Variants in CDH2 observed in about 807,000 individuals in gnomAD.
CDH2 encodes the protein cadherin 2, also known as cadherin-2.
CDH2 carries 17 observed loss-of-function variants against 92.0 expected under a neutral mutation model. The ratio of observed to expected loss-of-function variants is 0.18; its 90% CI spans 0.13 to 0.28. CDH2 has a LOEUF of 0.28. Among genes scored for constraint, CDH2 ranks in the 10% least tolerant of loss-of-function variants. The probability of loss-of-function intolerance (pLI) is 1.00; values close to 1 mark genes in which losing one functional copy is unlikely to be tolerated. For synonymous variants in CDH2, 419 were observed against 415.9 expected (o/e 1.01, Z -0.09); for missense variants, 862 against 1,133.1 (o/e 0.76, Z 3.44).
intron 3 of CDH2, among the ~76,000 whole-genome samples, chr18:28,013,192 G>A (rs942394501): frequency 6.6e-6 from 1 of 152,106 alleles, no homozygotes; most frequent in African/African-American, 2.4e-5. Flanking sequence ...TTCCACCAGA[G>A]GGAGTATATC....
intron 2 of CDH2, among the ~76,000 whole-genome samples, chr18:28,060,778 G>T (rs1411040025): frequency 6.6e-6 from 1 of 152,056 alleles, no homozygotes; most frequent in Non-Finnish European, 1.5e-5. Context: ...CTTGGACATG[G>T]AACCAGCCAT....
chr18:28,031,415 TCTC>T (rs2013692544), intron 2 of CDH2, among the ~76,000 whole-genome samples: 1 of 152,016 alleles, frequency 6.6e-6, no homozygotes, highest in African/African-American at 2.4e-5. Flanking sequence ...CTCTAACTGA[TCTC>T]CTACTTCCAC....
At chr18:27,992,560 G>A (rs75744644) in intron 9 of CDH2, 95 bp downstream of exon 9, 10,344 of 1,022,390 alleles carry the variant, frequency 0.01, 81 homozygotes, top group Non-Finnish European at 0.012. Context: ...AAAGAAAAAC[G>A]TCCTAAGTTT....
At chr18:27,966,412 G>T (rs1469440755) in intron 14 of CDH2, among the ~76,000 whole-genome samples, 2 of 152,158 alleles carry the variant, frequency 1.3e-5, no homozygotes, top group Non-Finnish European at 2.9e-5. Flanking sequence ...GATAAAAGAG[G>T]CATGTGGGCT....
At chr18:27,999,469 C>G (rs2012692849) in intron 7 of CDH2, among the ~76,000 whole-genome samples, 1 of 151,886 alleles carries the variant, frequency 6.6e-6, no homozygotes, top group South Asian at 2.1e-4. Flanking sequence ...GTTGAAGGCA[C>G]AAACAGAAAG....
rs66537834 is a variant in CDH2, at chr18:27,945,323, A to ATTTTTTTT, written c.1152-12207_1152-12200dup. Among the ~76,000 whole-genome samples, 70 of 66,446 alleles carry ATTTTTTTT rather than the reference A, an allele frequency of 1.1e-3. 4 individuals carry two copies. Among genetic ancestry groups the ATTTTTTTT allele is most frequent in the African/African-American group, 3.2e-3 (55 of 16,960 alleles). 43.6% of individuals were successfully genotyped at this position (66,446 alleles called of 152,430 possible). ...CAACTGATACTTTCCAGGAAGGAAG[A>ATTTTTTTT]TTTTTTTTTTTTTTTTTTTTTTTTT... On this transcript the variant is annotated intron_variant, in intron 6 of 6. Transcript: ENST00000675173.
intron 2 of CDH2, among the ~76,000 whole-genome samples, chr18:28,022,214 G>C (rs1265805515): frequency 2.0e-5 from 3 of 151,596 alleles, no homozygotes; most frequent in Non-Finnish European, 4.4e-5. Flanking sequence ...GAATAATTTA[G>C]TTGCCATGTC....
intron 1 of CDH2, among the ~76,000 whole-genome samples, chr18:28,172,253 T>C (rs1598526214): frequency 6.6e-6 from 1 of 152,230 alleles, no homozygotes; most frequent in South Asian, 2.1e-4. Context: ...TATTATAACA[T>C]AAATCATAAT....
At chr18:27,988,734 G>C in intron 10 of CDH2, 68 bp from the exon 11 acceptor site, 1 of 1,179,024 alleles carries the variant, frequency 8.5e-7, no homozygotes. Context: ...TACAGGTTTA[G>C]TTCCAAATGC....
At chr18:28,154,739 T>G (rs1224095377) in intron 1 of CDH2, among the ~76,000 whole-genome samples, 1 of 152,152 alleles carries the variant, frequency 6.6e-6, no homozygotes, top group African/African-American at 2.4e-5. Context: ...CACTCCTAAA[T>G]CCAAGCTCTT....
At chr18:28,046,379 GAGAA>G (rs922079068) in intron 2 of CDH2, among the ~76,000 whole-genome samples, 86 of 152,216 alleles carry the variant, frequency 5.6e-4, no homozygotes, top group African/African-American at 2.0e-3. Context: ...CATTAAAACA[GAGAA>G]TTATTTCTTT....
At chr18:28,025,925 G>A (rs1191616093) in intron 2 of CDH2, among the ~76,000 whole-genome samples, 3 of 151,978 alleles carry the variant, frequency 2.0e-5, no homozygotes, top group African/African-American at 7.2e-5. Context: ...CTATAAAAAA[G>A]CCCAAGGGCA....
At chr18:27,945,586 C>T (rs1299595460) in intron 6 of CDH2, among the ~76,000 whole-genome samples, 2 of 152,004 alleles carry the variant, frequency 1.3e-5, no homozygotes, top group Non-Finnish European at 1.5e-5. Context: ...CATAAAGCTA[C>T]AATGCGGTAA....
intron 15 of CDH2, among the ~76,000 whole-genome samples, chr18:27,953,251 CAAGG>C (rs1190687333): frequency 6.6e-6 from 1 of 152,046 alleles, no homozygotes; most frequent in Non-Finnish European, 1.5e-5. Context: ...AAAAAAGAAA[CAAGG>C]AAATAACTAC....
Position 27,988,752 on chromosome 18 carries a change from T to C in CDH2, c.1599-86A>G, listed in dbSNP as rs80084416. On this transcript the variant is annotated intron_variant, in intron 10 of 15. Transcript: ENST00000269141. ...AGGTTTAGTTCCAAATGCAACTGGC[T>C]CATTAACTTGCATTTCTGTAGATGA... 8.5e-4 allele frequency: 811 copies of C among 950,824 alleles called. 6 individuals are homozygous for C. In the East Asian group the frequency reaches 0.012, roughly 14 times the overall value. The allele number at this position is 950,824 out of a possible 1,614,324, so 58.9% of individuals were successfully genotyped here. A position where few individuals can be genotyped will look rare whatever the true frequency, so the allele number is the denominator to read the frequency against.
At chr18:28,131,815 C>T (rs754381603) in intron 2 of CDH2, among the ~76,000 whole-genome samples, 1 of 151,946 alleles carries the variant, frequency 6.6e-6, no homozygotes, top group East Asian at 1.9e-4. Context: ...AATTACTTAA[C>T]GATGTCATTA....
intron 1 of CDH2, among the ~76,000 whole-genome samples, chr18:28,152,775 A>T (rs917423910): frequency 3.9e-5 from 6 of 152,082 alleles, no homozygotes; most frequent in Non-Finnish European, 7.3e-5. Flanking sequence ...TTTGTGGGAA[A>T]GTGTGTGTGT....
chr18:28,040,600 AAAT>A (rs1301805253), intron 2 of CDH2, among the ~76,000 whole-genome samples: 2 of 152,232 alleles, frequency 1.3e-5, no homozygotes, highest in African/African-American at 4.8e-5. Flanking sequence ...ACTGCTGGAA[AAAT>A]AACAGATGCA....
At chr18:28,032,852 C>T (rs2013732214) in intron 2 of CDH2, among the ~76,000 whole-genome samples, 1 of 152,008 alleles carries the variant, frequency 6.6e-6, no homozygotes, top group Non-Finnish European at 1.5e-5. Context: ...TGTTGAACTG[C>T]CCCACACTCA....
Sources: gnomAD v4.1 joint callset for allele counts (sites outside exome capture counted in the v4.1 genomes callset) on GRCh38, gnomAD v4.1.1 for gene constraint, MANE v1.5 for transcripts, NCBI Gene and HGNC (gene_info 2026-07-23, HGNC 2026-07-21) for gene names.